RNF125: variants seen among roughly 807,000 people sequenced by gnomAD.
RNF125 encodes E3 ubiquitin-protein ligase RNF125.
In RNF125, 21 loss-of-function variants were observed where a neutral mutation model predicts 26.0. That is an observed-to-expected ratio of 0.81 (90% confidence interval 0.57 to 1.16). RNF125 has a LOEUF of 1.16. Ranked by LOEUF, RNF125 falls within the 50% of genes most tolerant of loss-of-function variation. The pLI is 0.00. For missense variants in RNF125, 270 were observed against 299.4 expected, an observed-to-expected ratio of 0.90 and a Z score of 0.72; for synonymous variants, 95 against 109.2, an observed-to-expected ratio of 0.87 and a Z score of 0.81.
chr18:32,027,061 TAA>T (rs1170834093), intron 1 of RNF125, among the ~76,000 whole-genome samples: 3 of 152,202 alleles, frequency 2.0e-5, no homozygotes, highest in African/African-American at 7.2e-5. Flanking sequence ...CATACAAATA[TAA>T]ATTCAAAACA....
intron 2 of RNF125, among the ~76,000 whole-genome samples, chr18:32,041,514 AT>A (rs1282470801): frequency 7.0e-6 from 1 of 142,704 alleles, no homozygotes; most frequent in South Asian, 2.2e-4. Context: ...TTCTTCACCC[AT>A]TTTTTTCCCT....
intron 4 of RNF125, among the ~76,000 whole-genome samples, chr18:32,064,065 G>A (rs936092991): frequency 1.7e-4 from 26 of 151,348 alleles, no homozygotes; most frequent in South Asian, 2.1e-4. Flanking sequence ...TGCGATCTCG[G>A]CTTACTGCAA....
At chr18:32,022,831 C>A (rs1209394443) in intron 1 of RNF125, among the ~76,000 whole-genome samples, 1 of 151,326 alleles carries the variant, frequency 6.6e-6, no homozygotes, top group Non-Finnish European at 1.5e-5. Context: ...TCTACAGATG[C>A]AAGTCTCCTC....
intron 4 of RNF125, among the ~76,000 whole-genome samples, chr18:32,061,658 C>G (rs2039436284): frequency 6.6e-6 from 1 of 152,212 alleles, no homozygotes; most frequent in African/African-American, 2.4e-5. Flanking sequence ...CTGGCTCATT[C>G]TTCAAGACCC....
intron 1 of RNF125, among the ~76,000 whole-genome samples, chr18:32,030,468 T>A (rs1260512621): frequency 2.0e-5 from 3 of 152,216 alleles, no homozygotes; most frequent in African/African-American, 4.8e-5. Flanking sequence ...ATCAAATTGG[T>A]GGTTTCCTAA....
chr18:32,038,972 G>T (rs1458522113), intron 2 of RNF125, among the ~76,000 whole-genome samples: 1 of 151,576 alleles, frequency 6.6e-6, no homozygotes. Flanking sequence ...CACCATGTTG[G>T]CCAGTCTGGT....
At chr18:32,083,877 C>G in the RNF125 span, among the ~76,000 whole-genome samples, 2 of 148,994 alleles carry the variant, frequency 1.3e-5, no homozygotes, top group Non-Finnish European at 3.0e-5. Context: ...TACTACAGCC[C>G]GGGCAACAGA....
chr18:32,065,646 C>CTT (rs1321425627), intron 4 of RNF125, among the ~76,000 whole-genome samples: 6 of 152,136 alleles, frequency 3.9e-5, no homozygotes, highest in Admixed American at 1.3e-4. Context: ...AATTCTCCTG[C>CTT]CTCAGTCTCC....
chr18:32,081,250 CAA>C, the RNF125 span, among the ~76,000 whole-genome samples: 2 of 138,388 alleles, frequency 1.4e-5, no homozygotes, highest in Non-Finnish European at 3.1e-5. Context: ...TTTTTAAACA[CAA>C]AGAAAAAAAC....
At chr18:32,041,095 A>T (rs760495600) in intron 2 of RNF125, among the ~76,000 whole-genome samples, 6 of 152,188 alleles carry the variant, frequency 3.9e-5, no homozygotes, top group Non-Finnish European at 7.3e-5. Context: ...CGGCCACCTT[A>T]CCACAGCTGT....
At chr18:32,080,707 A>C in the RNF125 span, among the ~76,000 whole-genome samples, 4 of 151,936 alleles carry the variant, frequency 2.6e-5, no homozygotes, top group Admixed American at 6.6e-5. Flanking sequence ...CTTAAAAGTC[A>C]TGAAACCTCG....
intron 1 of RNF125, among the ~76,000 whole-genome samples, chr18:32,033,163 G>A (rs1034849330): frequency 3.3e-5 from 5 of 152,166 alleles, no homozygotes; most frequent in African/African-American, 7.2e-5. Context: ...TGGGTTTAAC[G>A]GAGTTAAGTT....
rs1430827983 is a variant in RNF125 at position 32,069,459 on chromosome 18, G to C, written c.*1075G>C. 1.3e-5 allele frequency: 2 copies of C among 151,846 alleles called. No homozygotes were observed. The highest frequency in any genetic ancestry group is 2.9e-5 in the Non-Finnish European group (2 of 68,010). 9.4% of individuals were successfully genotyped at this position (151,846 alleles called of 1,614,324 possible). A position where few individuals can be genotyped will look rare whatever the true frequency, so the allele number is the denominator to read the frequency against. On this transcript the variant is annotated 3_prime_UTR_variant, in exon 6 of 6. Coordinates refer to ENST00000217740, the MANE Select transcript of RNF125 (RefSeq NM_017831.4). Reference sequence around the variant, plus strand: ...TTTAGTAGAAAACCCTAAGGGCTTTGATATCTTTTTTGATTGTAACATTTT... The same window carrying C: ...TTTAGTAGAAAACCCTAAGGGCTTTCATATCTTTTTTGATTGTAACATTTT...
intron 1 of RNF125, among the ~76,000 whole-genome samples, chr18:32,033,527 A>G: frequency 6.7e-6 from 1 of 149,348 alleles, no homozygotes; most frequent in Non-Finnish European, 1.5e-5. Context: ...TCCACCTCAA[A>G]AAAAAAAAAA....
At chr18:32,030,567 C>A (rs535817000) in intron 1 of RNF125, among the ~76,000 whole-genome samples, 55 of 152,284 alleles carry the variant, frequency 3.6e-4, no homozygotes, top group African/African-American at 1.3e-3. Flanking sequence ...TTTGCAATCC[C>A]ACTGTAAACC....
chr18:32,019,279 G>A lies in RNF125; in HGVS notation c.164+252G>A, dbSNP rs548386297. 3.9e-4 allele frequency among the ~76,000 whole-genome samples: 59 copies of A among 152,250 alleles called. 1 individual carries two copies. The highest frequency in any genetic ancestry group is 1.3e-3 in the African/African-American group (56 of 41,550). On this transcript the variant is annotated intron_variant, in intron 1 of 5. Coordinates refer to ENST00000217740, the MANE Select transcript of RNF125 (RefSeq NM_017831.4). Reference sequence around the variant, plus strand: ...TTGCGCTTTCAGCTCCCGAAGCCCAGGTGCGGAACTCCAGAGAAGGGGATC... The same window carrying A: ...TTGCGCTTTCAGCTCCCGAAGCCCAAGTGCGGAACTCCAGAGAAGGGGATC...
chr18:32,077,843 G>A (rs901924997), downstream of RNF125, among the ~76,000 whole-genome samples: 2 of 150,958 alleles, frequency 1.3e-5, no homozygotes, highest in Admixed American at 1.3e-4. Context: ...AGGCTGGAGT[G>A]CAGTGGTGTG....
chr18:32,024,840 G>A (rs2039017950), intron 1 of RNF125, among the ~76,000 whole-genome samples: 1 of 152,254 alleles, frequency 6.6e-6, no homozygotes, highest in East Asian at 1.9e-4. Context: ...CAGCACTTTG[G>A]GAGGCCGAGG....
chr18:32,064,951 G>C (rs538442727), intron 4 of RNF125, among the ~76,000 whole-genome samples: 1 of 152,276 alleles, frequency 6.6e-6, no homozygotes, highest in South Asian at 2.1e-4. Context: ...ATACAAACAA[G>C]TATTCCAAGA....
Sources: allele counts gnomAD v4.1 joint callset (sites outside exome capture counted in the v4.1 genomes callset), GRCh38; gene constraint gnomAD v4.1.1; transcripts MANE v1.5; gene names NCBI Gene and HGNC (gene_info 2026-07-23, HGNC 2026-07-21).